Variants in SAMD4A observed in about 807,000 individuals in gnomAD.
The protein encoded by SAMD4A is protein Smaug homolog 1.
A neutral mutation model predicts 81.3 loss-of-function variants in SAMD4A; 33 were observed. That is an observed-to-expected ratio of 0.41 (90% CI 0.31 to 0.54). The LOEUF (loss-of-function observed/expected upper bound fraction) is 0.54, where lower values mean the gene tolerates loss of function less well. Among genes scored for constraint, SAMD4A ranks in the 20% least tolerant of loss-of-function variants. The pLI, the probability that SAMD4A is intolerant of heterozygous loss-of-function variation, is 0.37. For synonymous variants in SAMD4A, 389 were observed against 382.1 expected (o/e 1.02, Z -0.21); for missense variants, 854 against 951.1 (o/e 0.90, Z 1.34).
chr14:54,681,898 T>C, intron 2 of SAMD4A: 1 of 985,352 alleles, frequency 1.0e-6, no homozygotes, highest in Non-Finnish European at 1.2e-6. Flanking sequence ...CTCTGGAGGA[T>C]GGAAAGATTT....
chr14:54,730,041 T>C (rs887809277), intron 3 of SAMD4A, among the ~76,000 whole-genome samples: 2 of 152,184 alleles, frequency 1.3e-5, no homozygotes, highest in Non-Finnish European at 2.9e-5. Context: ...TACCAAAGAT[T>C]AGTGCAATAA....
intron 2 of SAMD4A, among the ~76,000 whole-genome samples, chr14:54,646,231 A>G (rs1007799933): frequency 1.2e-4 from 18 of 152,230 alleles, no homozygotes; most frequent in African/African-American, 2.4e-5. Flanking sequence ...ATAGTGAGGA[A>G]GGCTGAGTCC....
At chr14:54,784,652 C>G (rs1429723161) in intron 12 of SAMD4A, 32 bp downstream of exon 12, 4 of 1,583,638 alleles carry the variant, frequency 2.5e-6, no homozygotes, top group Non-Finnish European at 3.5e-6. Context: ...GTCCCCATGT[C>G]CCTGTTACCG....
At chr14:54,576,401 G>A (rs1420569657) in intron 2 of SAMD4A, among the ~76,000 whole-genome samples, 2 of 152,190 alleles carry the variant, frequency 1.3e-5, no homozygotes, top group African/African-American at 2.4e-5. Flanking sequence ...ACCACTCCAT[G>A]TGCCTCAAGA....
intron 2 of SAMD4A, among the ~76,000 whole-genome samples, chr14:54,645,772 G>A (rs1446066801): frequency 2.0e-5 from 3 of 152,174 alleles, no homozygotes; most frequent in African/African-American, 4.8e-5. Flanking sequence ...TTATTCATGC[G>A]ATCCAGAATA....
intron 2 of SAMD4A, among the ~76,000 whole-genome samples, chr14:54,630,692 A>G (rs2034873728): frequency 1.3e-5 from 2 of 152,132 alleles, no homozygotes; most frequent in African/African-American, 4.8e-5. Context: ...TCTCATTATC[A>G]GGCTTCTAGT....
chr14:54,617,627 A>G (rs1167166935), intron 2 of SAMD4A, among the ~76,000 whole-genome samples: 1 of 152,230 alleles, frequency 6.6e-6, no homozygotes, highest in Non-Finnish European at 1.5e-5. Context: ...TTGATGAGTC[A>G]TTAGATTTCA....
chr14:54,702,664 C>T (rs2036749774), intron 3 of SAMD4A, 84 bp downstream of exon 3: 2 of 1,463,066 alleles, frequency 1.4e-6, no homozygotes, highest in Non-Finnish European at 1.9e-6. Flanking sequence ...GTGTCTGCTC[C>T]ATGCACCCTG....
intron 2 of SAMD4A, among the ~76,000 whole-genome samples, chr14:54,688,948 T>TTTTTTTTTTTG (rs2036355905): frequency 2.7e-5 from 4 of 147,950 alleles, no homozygotes; most frequent in African/African-American, 5.1e-5. Context: ...TTTTTTTTTT[T>TTTTTTTTTTTG]GAGGCGGAGT....
At chr14:54,756,618 A>G (rs370511830) in intron 6 of SAMD4A, among the ~76,000 whole-genome samples, 88 of 152,324 alleles carry the variant, frequency 5.8e-4, no homozygotes, top group African/African-American at 2.0e-3. Flanking sequence ...AGGAGGAAAG[A>G]ATGGATGCGC....
intron 2 of SAMD4A, among the ~76,000 whole-genome samples, chr14:54,682,214 C>G (rs774131694): frequency 6.6e-6 from 1 of 152,164 alleles, no homozygotes; most frequent in Non-Finnish European, 1.5e-5. Flanking sequence ...AGAGTCCATA[C>G]GTCACATTCC....
intron 2 of SAMD4A, among the ~76,000 whole-genome samples, chr14:54,653,703 A>G (rs942182694): frequency 7.9e-5 from 12 of 152,116 alleles, no homozygotes; most frequent in African/African-American, 2.4e-4. Flanking sequence ...CTCTTGAGGC[A>G]ATAATTGGAT....
At chr14:54,655,586 A>T (rs1397967214) in intron 2 of SAMD4A, among the ~76,000 whole-genome samples, 1 of 152,024 alleles carries the variant, frequency 6.6e-6, no homozygotes. Context: ...ACAAAAAAAA[A>T]AATTAGCCGG....
chr14:54,665,112 TG>T (rs2035729325), intron 2 of SAMD4A, among the ~76,000 whole-genome samples: 1 of 152,184 alleles, frequency 6.6e-6, no homozygotes, highest in South Asian at 2.1e-4. Flanking sequence ...TGAGAGTGCC[TG>T]TAGATACTGG....
At chr14:54,593,576 C>T (rs2033837832) in intron 2 of SAMD4A, among the ~76,000 whole-genome samples, 1 of 152,062 alleles carries the variant, frequency 6.6e-6, no homozygotes, top group Admixed American at 6.6e-5. Flanking sequence ...GAAATGAAAT[C>T]CTGTAAATTA....
At chr14:54,610,835 T>C (rs1024490813) in intron 2 of SAMD4A, among the ~76,000 whole-genome samples, 15 of 152,172 alleles carry the variant, frequency 9.9e-5, no homozygotes, top group African/African-American at 3.6e-4. Flanking sequence ...AAAGCACTCA[T>C]AGCCAGATGG....
chr14:54,575,167 T>C lies in SAMD4A; in HGVS notation c.196+7055T>C, dbSNP rs17127631. On this transcript the variant is annotated intron_variant, in intron 2 of 12. Transcript: ENST00000554335. ...AAACCTAAGTGTCCTAGGAGAGCAG[T>C]TTGGAAATCTGTGACCAAGGGCAGT... Among the ~76,000 whole-genome samples the C allele has an allele frequency of 8.8e-3, 1,341 of 152,068 alleles. 17 individuals are homozygous for C. The highest frequency in any genetic ancestry group is 0.031 in the African/African-American group (1,282 of 41,470).
intron 11 of SAMD4A, among the ~76,000 whole-genome samples, chr14:54,780,238 A>C (rs1566637295): frequency 6.6e-6 from 1 of 152,140 alleles, no homozygotes; most frequent in African/African-American, 2.4e-5. Context: ...TTGGTTGTGA[A>C]CCAGCTGGAT....
intron 2 of SAMD4A, chr14:54,694,814 C>G (rs2140689504): frequency 3.0e-6 from 3 of 985,402 alleles, no homozygotes; most frequent in Non-Finnish European, 3.6e-6. Flanking sequence ...CCTGGGTCCT[C>G]AAGGAGTAAA....
Sources: gnomAD v4.1 joint callset for allele counts (sites outside exome capture counted in the v4.1 genomes callset) on GRCh38, gnomAD v4.1.1 for gene constraint, MANE v1.5 for transcripts, NCBI Gene and HGNC (gene_info 2026-07-23, HGNC 2026-07-21) for gene names.